PDE1C: variants seen among roughly 807,000 people sequenced by gnomAD.
PDE1C encodes phosphodiesterase 1C, also known as dual specificity calcium/calmodulin-dependent 3',5'-cyclic nucleotide phosphodiesterase 1C.
Under a neutral mutation model 93.1 loss-of-function variants are expected in PDE1C, and 62 were observed. The observed-to-expected ratio is 0.67, with a 90% confidence interval of 0.54 to 0.82. The LOEUF (loss-of-function observed/expected upper bound fraction) is 0.82. Ranked by LOEUF, PDE1C falls within the 40% of genes least tolerant of loss-of-function variation. The pLI, the probability that PDE1C is intolerant of heterozygous loss-of-function variation, is 0.00. For synonymous variants in PDE1C, 325 were observed against 310.1 expected (o/e 1.05, Z -0.50); for missense variants, 742 against 884.6 (o/e 0.84, Z 2.04).
At chr7:32,031,229 T>C (rs1170413795) in intron 2 of PDE1C, among the ~76,000 whole-genome samples, 2 of 152,162 alleles carry the variant, frequency 1.3e-5, no homozygotes, top group Non-Finnish European at 2.9e-5. Context: ...CTCTAACACA[T>C]GTTCATTTTA....
At chr7:31,660,135 C>T in the PDE1C span, among the ~76,000 whole-genome samples, 4 of 152,158 alleles carry the variant, frequency 2.6e-5, no homozygotes, top group Non-Finnish European at 5.9e-5. Flanking sequence ...TTTCCTGAGA[C>T]CTCTCTGGTC....
chr7:31,824,812 TC>T lies in PDE1C; in HGVS notation c.1406+54del, dbSNP rs1366307158. The T allele has an allele frequency of 3.8e-6, 6 of 1,593,312 alleles. No individual in the cohort carries two copies. In the East Asian group the frequency reaches 1.4e-4, roughly 36 times the overall value. ...TCCCCATCCCCAGCAAAAGAAGAAT[TC>T]TATCCTCAAGGACAGGCCAACCTCA... On this transcript the variant is annotated intron_variant, in intron 13 of 17. Transcript: ENST00000396191.
At chr7:32,382,163 C>G (rs1784549842) in intron 1 of PDE1C, among the ~76,000 whole-genome samples, 1 of 152,074 alleles carries the variant, frequency 6.6e-6, no homozygotes, top group Non-Finnish European at 1.5e-5. Flanking sequence ...CTCTCTTAAC[C>G]ACTACAATCC....
intron 2 of PDE1C, among the ~76,000 whole-genome samples, chr7:32,004,091 C>T (rs531365882): frequency 6.6e-6 from 1 of 151,996 alleles, no homozygotes; most frequent in Non-Finnish European, 1.5e-5. Context: ...AAGCCACAGC[C>T]AAGACAGGTA....
chr7:31,695,439 C>T, the PDE1C span: 34 of 1,573,562 alleles, frequency 2.2e-5, no homozygotes, highest in Non-Finnish European at 2.8e-5. Flanking sequence ...ATGTTATATT[C>T]TTTATTTCTT....
At chr7:31,865,503 C>T (rs1795185838) in intron 6 of PDE1C, among the ~76,000 whole-genome samples, 1 of 152,094 alleles carries the variant, frequency 6.6e-6, no homozygotes, top group Non-Finnish European at 1.5e-5. Context: ...AAAGATGCTA[C>T]ATAGGACACC....
intron 2 of PDE1C, among the ~76,000 whole-genome samples, chr7:31,902,334 T>G (rs909244602): frequency 6.6e-6 from 1 of 151,908 alleles, no homozygotes; most frequent in African/African-American, 2.4e-5. Flanking sequence ...GAAGAATTCA[T>G]GAGCCTCAGA....
At chr7:31,678,091 G>A in the PDE1C span, among the ~76,000 whole-genome samples, 2 of 152,042 alleles carry the variant, frequency 1.3e-5, no homozygotes, top group African/African-American at 2.4e-5. Context: ...AACGCTCTAC[G>A]AGTAAGACTA....
intron 2 of PDE1C, among the ~76,000 whole-genome samples, chr7:31,950,126 T>C (rs1444284467): frequency 3.3e-5 from 5 of 152,182 alleles, no homozygotes; most frequent in African/African-American, 9.7e-5. Flanking sequence ...AACAGTTAAT[T>C]AGCATAGTCC....
upstream of PDE1C, among the ~76,000 whole-genome samples, chr7:32,072,412 T>C (rs1364789303): frequency 6.6e-6 from 1 of 152,238 alleles, no homozygotes. Flanking sequence ...AACATGGAGT[T>C]CATCTATCTG....
chr7:31,753,468 C>T lies in PDE1C; in HGVS notation c.2046G>A (p.Glu682=). The T allele has an allele frequency of 1.2e-6, 2 of 1,612,542 alleles. No homozygotes were observed. Among genetic ancestry groups the T allele is most frequent in the African/African-American group, 1.3e-5 (1 of 75,030 alleles). ...CCAGCATCTTGTACCTTGCAGGATG[C>T]TCATCAGTTTTCTTTGAGACTGAAG... ...YAPSVSKKTD[E]HPARYKMLDQ... Residue 682 remains glutamate, a synonymous_variant, in exon 18 of 18, where the codon GAG becomes GAA. Coordinates refer to ENST00000396191, the MANE Select transcript of PDE1C (RefSeq NM_001191057.4).
At chr7:31,770,607 G>A (rs570987225) in intron 17 of PDE1C, among the ~76,000 whole-genome samples, 44 of 152,228 alleles carry the variant, frequency 2.9e-4, no homozygotes, top group Admixed American at 2.4e-3. Flanking sequence ...CACCTCCTTG[G>A]TTCAAGTGTT....
the PDE1C span, among the ~76,000 whole-genome samples, chr7:31,723,959 A>AC: frequency 0.44 from 66,679 of 151,644 alleles, 16,454 homozygotes; most frequent in East Asian, 0.7. Flanking sequence ...AGATTCTTCC[A>AC]CTCCTTCTTA....
At chr7:31,975,428 A>C (rs1273520381) in intron 2 of PDE1C, among the ~76,000 whole-genome samples, 2 of 152,158 alleles carry the variant, frequency 1.3e-5, no homozygotes, top group Non-Finnish European at 2.9e-5. Flanking sequence ...TATAAAGATA[A>C]TAAGCAAGAG....
intron 2 of PDE1C, among the ~76,000 whole-genome samples, chr7:31,894,733 T>C (rs1799061470): frequency 6.6e-6 from 1 of 152,130 alleles, no homozygotes; most frequent in Non-Finnish European, 1.5e-5. Context: ...AGTGCAGAGA[T>C]TTTTACCACT....
At chr7:32,220,215 C>T (rs1350653604) in intron 1 of PDE1C, among the ~76,000 whole-genome samples, 1 of 152,114 alleles carries the variant, frequency 6.6e-6, no homozygotes, top group African/African-American at 2.4e-5. Flanking sequence ...TAATTACAGT[C>T]CACCCTGGAC....
At chr7:32,259,712 GTCA>G (rs1366991363) in intron 1 of PDE1C, among the ~76,000 whole-genome samples, 1 of 152,088 alleles carries the variant, frequency 6.6e-6, no homozygotes, top group Non-Finnish European at 1.5e-5. Flanking sequence ...TTGAGCTAAC[GTCA>G]TCATTTTTCT....
intron 2 of PDE1C, among the ~76,000 whole-genome samples, chr7:32,199,320 T>C (rs902822987): frequency 3.9e-5 from 6 of 152,172 alleles, no homozygotes; most frequent in Non-Finnish European, 8.8e-5. Context: ...TGAGGATTCA[T>C]ATCACTAGTC....
intron 1 of PDE1C, among the ~76,000 whole-genome samples, chr7:32,068,161 T>G (rs1795624091): frequency 6.6e-6 from 1 of 152,190 alleles, no homozygotes; most frequent in African/African-American, 2.4e-5. Flanking sequence ...GAAAATCCAA[T>G]TATGGTTTGA....
Sources: gnomAD v4.1 joint callset for allele counts (sites outside exome capture counted in the v4.1 genomes callset) on GRCh38, gnomAD v4.1.1 for gene constraint, MANE v1.5 for transcripts, NCBI Gene and HGNC (gene_info 2026-07-23, HGNC 2026-07-21) for gene names.